ITSN2: variants seen among roughly 807,000 people sequenced by gnomAD.
ITSN2 encodes the protein intersectin-2.
Under a neutral mutation model 243.7 loss-of-function variants are expected in ITSN2, and 156 were observed. That is an observed-to-expected ratio of 0.64 (90% confidence interval 0.56 to 0.73). ITSN2 has a LOEUF of 0.73. Ranked by LOEUF, ITSN2 falls within the 30% of genes least tolerant of loss-of-function variation. ITSN2 has a pLI of 0.00. For missense variants in ITSN2, 1,801 were observed against 1,996.1 expected, an observed-to-expected ratio of 0.90 and a Z score of 1.86; for synonymous variants, 703 against 699.9, an observed-to-expected ratio of 1.00 and a Z score of -0.07.
intron 15 of ITSN2, among the ~76,000 whole-genome samples, chr2:24,288,376 G>A (rs1679789089): frequency 6.6e-6 from 1 of 151,974 alleles, no homozygotes; most frequent in Non-Finnish European, 1.5e-5. Context: ...AAGTCTGTAT[G>A]TCTTGTAATT....
At chr2:24,344,470 A>C (rs1687335258) in intron 1 of ITSN2, among the ~76,000 whole-genome samples, 1 of 152,116 alleles carries the variant, frequency 6.6e-6, no homozygotes, top group African/African-American at 2.4e-5. Flanking sequence ...CTGAGAGGCA[A>C]ATTTTTTCTA....
chr2:24,312,169 G>A, intron 5 of ITSN2, 43 bp downstream of exon 5: 1 of 1,476,662 alleles, frequency 6.8e-7, no homozygotes, highest in South Asian at 1.4e-5. Context: ...TAGGGATAAA[G>A]TTTAAGTAGC....
chr2:24,291,272 G>C (rs930881454), intron 15 of ITSN2, among the ~76,000 whole-genome samples: 2 of 152,042 alleles, frequency 1.3e-5, no homozygotes, highest in Admixed American at 6.6e-5. Flanking sequence ...TGAGACCACA[G>C]ATGCGTGCCA....
At chr2:24,244,746 A>G (rs1673135260) in intron 29 of ITSN2, among the ~76,000 whole-genome samples, 1 of 152,198 alleles carries the variant, frequency 6.6e-6, no homozygotes, top group African/African-American at 2.4e-5. Context: ...TCACTTCTGA[A>G]ACCCTCCAAT....
intron 29 of ITSN2, among the ~76,000 whole-genome samples, chr2:24,237,049 G>A (rs1672243043): frequency 6.6e-6 from 1 of 151,962 alleles, no homozygotes; most frequent in Admixed American, 6.6e-5. Flanking sequence ...ATTAGGAGAT[G>A]GTGGCAATAT....
intron 1 of ITSN2, among the ~76,000 whole-genome samples, chr2:24,347,472 A>G (rs542314970): frequency 1.2e-4 from 19 of 152,300 alleles, no homozygotes; most frequent in Non-Finnish European, 2.5e-4. Flanking sequence ...GGATCACCTG[A>G]GGTCGGGAGT....
At chr2:24,206,562 G>A (rs1668904346) in intron 37 of ITSN2, among the ~76,000 whole-genome samples, 3 of 151,954 alleles carry the variant, frequency 2.0e-5, no homozygotes, top group African/African-American at 7.3e-5. Context: ...TGAAGGCCAC[G>A]GTGGGGCAGG....
chr2:24,237,123 G>A (rs192230093), intron 29 of ITSN2, among the ~76,000 whole-genome samples: 2 of 152,120 alleles, frequency 1.3e-5, no homozygotes, highest in Middle Eastern at 3.4e-3. Flanking sequence ...CACCTCTACC[G>A]CTTACTAGCA....
chr2:24,250,194 T>G (rs1309215307), intron 25 of ITSN2, among the ~76,000 whole-genome samples: 1 of 152,252 alleles, frequency 6.6e-6, no homozygotes, highest in Non-Finnish European at 1.5e-5. Flanking sequence ...AAGGAAAGTA[T>G]TTGTGTGACT....
intron 1 of ITSN2, among the ~76,000 whole-genome samples, chr2:24,357,225 C>T (rs1211755071): frequency 1.3e-5 from 2 of 152,122 alleles, no homozygotes; most frequent in Non-Finnish European, 2.9e-5. Context: ...CCAAACCAAC[C>T]CAAATGCCCG....
At chr2:24,337,783 G>C (rs1041670683) in intron 1 of ITSN2, among the ~76,000 whole-genome samples, 1 of 150,624 alleles carries the variant, frequency 6.6e-6, no homozygotes, top group Non-Finnish European at 1.5e-5. Context: ...GCACCACTAT[G>C]CCCAGCTTCC....
At chr2:24,272,634 C>T (rs1222518423) in intron 18 of ITSN2, among the ~76,000 whole-genome samples, 1 of 152,050 alleles carries the variant, frequency 6.6e-6, no homozygotes, top group Non-Finnish European at 1.5e-5. Flanking sequence ...CAGGGTCTTG[C>T]TATGTTGCCC....
At chr2:24,287,847 G>A (rs1189599714) in intron 15 of ITSN2, among the ~76,000 whole-genome samples, 1 of 151,934 alleles carries the variant, frequency 6.6e-6, no homozygotes, top group Non-Finnish European at 1.5e-5. Flanking sequence ...GGTCTTCTTT[G>A]GAGAAATGTC....
intron 32 of ITSN2, among the ~76,000 whole-genome samples, chr2:24,213,683 C>A (rs1268213364): frequency 6.6e-6 from 1 of 152,216 alleles, no homozygotes; most frequent in African/African-American, 2.4e-5. Context: ...ACTACTGTTA[C>A]AATTGTGATG....
Position 24,315,017 on chromosome 2 carries a change from T to G in ITSN2, c.124+115A>C, listed in dbSNP as rs951801250. On this transcript the variant is annotated intron_variant, in intron 3 of 39. Coordinates refer to ENST00000355123, the MANE Select transcript of ITSN2 (RefSeq NM_006277.3). ...TTTCTTTAATTTCTAGAATTCTGATTGATATGAATTTTATCGTTTATTAAC... is the reference window on the plus strand; with the variant it reads ...TTTCTTTAATTTCTAGAATTCTGATGGATATGAATTTTATCGTTTATTAAC... 3.7e-5 allele frequency: 17 copies of G among 461,266 alleles called. No individual in the cohort carries two copies. The Admixed American group carries it at 4.2e-4, about 12-fold the overall frequency. The allele number at this position is 461,266 out of a possible 1,614,324, so 28.6% of individuals were successfully genotyped here.
At chr2:24,281,533 A>T (rs1678778534) in intron 17 of ITSN2, among the ~76,000 whole-genome samples, 1 of 152,218 alleles carries the variant, frequency 6.6e-6, no homozygotes, top group Non-Finnish European at 1.5e-5. Context: ...AACCTGTATG[A>T]ACCATGAACC....
chr2:24,337,315 A>AATATATATATATACACAT (rs1278959952), intron 1 of ITSN2, among the ~76,000 whole-genome samples: 4 of 32,020 alleles, frequency 1.2e-4, no homozygotes, highest in African/African-American at 2.2e-4. Context: ...GTATACACAA[A>AATATATATATATACACAT]ATATATATAT....
chr2:24,339,816 T>C lies in ITSN2; in HGVS notation c.-33-11701A>G, dbSNP rs115164600. 7.5e-3 allele frequency among the ~76,000 whole-genome samples: 1,135 copies of C among 151,948 alleles called. 8 individuals are homozygous for C. Among genetic ancestry groups the C allele is most frequent in the African/African-American group, 0.026 (1,091 of 41,444 alleles). ...CCACAGTGGGAGGATCACTTGAGCCTAGGAGCTCAAGACTAGCCTGGGCAA... is the reference window on the plus strand; with the variant it reads ...CCACAGTGGGAGGATCACTTGAGCCCAGGAGCTCAAGACTAGCCTGGGCAA... On this transcript the variant is annotated intron_variant, in intron 1 of 39. Transcript: ENST00000355123.
At chr2:24,326,992 C>T (rs553113587) in intron 2 of ITSN2, among the ~76,000 whole-genome samples, 49 of 152,056 alleles carry the variant, frequency 3.2e-4, no homozygotes, top group African/African-American at 1.2e-3. Flanking sequence ...TTTTTAAATG[C>T]TCTTTAATAT....
Sources: allele counts gnomAD v4.1 joint callset (sites outside exome capture counted in the v4.1 genomes callset), GRCh38; gene constraint gnomAD v4.1.1; transcripts MANE v1.5; gene names NCBI Gene and HGNC (gene_info 2026-07-23, HGNC 2026-07-21).